The following EAPP variants were observed in gnomAD, a reference collection of about 807,000 sequenced individuals.
The protein encoded by EAPP is E2F associated phosphoprotein.
A neutral mutation model predicts 34.3 loss-of-function variants in EAPP; 38 were observed. The ratio of observed to expected loss-of-function variants is 1.11; its 90% CI spans 0.85 to 1.45. The LOEUF (loss-of-function observed/expected upper bound fraction) is 1.45, where lower values mean the gene tolerates loss of function less well. Among genes scored for constraint, EAPP ranks in the 40% most tolerant of loss-of-function variants. The pLI, the probability that EAPP is intolerant of heterozygous loss-of-function variation, is 0.00. For missense variants in EAPP, 338 were observed against 343.7 expected, an observed-to-expected ratio of 0.98 and a Z score of 0.13; for synonymous variants, 113 against 117.6, an observed-to-expected ratio of 0.96 and a Z score of 0.25.
chr14:34,535,950 G>C (rs1346241440), intron 2 of EAPP, 144 bp downstream of exon 2: 6 of 590,002 alleles, frequency 1.0e-5, no homozygotes. Flanking sequence ...CTCTAGCTCA[G>C]ACTGCCAAAT....
rs905760665 is a variant in EAPP at position 34,517,341 on chromosome 14, C to G, written c.582-755G>C. ...TCAGCTCACCACAACCTCTGCCCCC[C>G]GGGTTCAAGTGATTCTCCTGCCTCA... On this transcript the variant is annotated intron_variant, in intron 5 of 5. Coordinates refer to ENST00000250454, the MANE Select transcript of EAPP (RefSeq NM_018453.4). 1.0e-4 allele frequency among the ~76,000 whole-genome samples: 15 copies of G among 147,432 alleles called. 1 individual carries two copies. Among genetic ancestry groups the G allele is most frequent in the African/African-American group, 2.0e-4 (8 of 39,766 alleles).
chr14:34,521,346 C>T (rs1210496654), intron 5 of EAPP, among the ~76,000 whole-genome samples: 4 of 152,122 alleles, frequency 2.6e-5, no homozygotes, highest in Non-Finnish European at 4.4e-5. Flanking sequence ...GCTGGGATTA[C>T]AAGTGTCAGC....
At chr14:34,529,929 C>T (rs996361349) in intron 3 of EAPP, among the ~76,000 whole-genome samples, 1 of 152,112 alleles carries the variant, frequency 6.6e-6, no homozygotes, top group Non-Finnish European at 1.5e-5. Flanking sequence ...GGCAGAAAAA[C>T]TGCTTGAACC....
intron 1 of EAPP, 30 bp downstream of exon 1, chr14:34,539,522 ATCC>A: frequency 6.2e-7 from 1 of 1,601,578 alleles, no homozygotes; most frequent in Non-Finnish European, 8.5e-7. Context: ...CTCGACCCAA[ATCC>A]TCGGGGGCCA....
chr14:34,533,034 T>C (rs1880347733), intron 3 of EAPP, among the ~76,000 whole-genome samples: 1 of 150,228 alleles, frequency 6.7e-6, no homozygotes, highest in South Asian at 2.1e-4. Flanking sequence ...GCATCCACTT[T>C]ATTTATTTAT....
In EAPP at chr14:34,536,076, A is replaced by G; in HGVS notation, c.256+18T>C. 1 of 1,595,852 alleles carries G rather than the reference A, an allele frequency of 6.3e-7. No homozygotes were observed. The highest frequency in any genetic ancestry group is 1.1e-5 in the South Asian group (1 of 87,684). On this transcript the variant is annotated intron_variant, in intron 2 of 5. Coordinates refer to ENST00000250454, the MANE Select transcript of EAPP (RefSeq NM_018453.4). ...CAGAGCTTACAAAAATATATATAAA[A>G]TTGAACCAAAAGTTTACCAGTTCCC...
intron 1 of EAPP, among the ~76,000 whole-genome samples, chr14:34,538,668 C>A (rs1226699636): frequency 6.6e-6 from 1 of 151,954 alleles, no homozygotes; most frequent in Non-Finnish European, 1.5e-5. Flanking sequence ...TCTCTCGCCT[C>A]AGACTCCCAA....
chr14:34,520,411 T>C (rs1045376939), intron 5 of EAPP, among the ~76,000 whole-genome samples: 12 of 151,694 alleles, frequency 7.9e-5, no homozygotes, highest in African/African-American at 2.4e-4. Flanking sequence ...AGTTTCACCA[T>C]GTTGGCCAGG....
At chr14:34,533,573 A>C (rs770506905) in intron 2 of EAPP, 34 bp from the exon 3 acceptor site, 5 of 1,414,924 alleles carry the variant, frequency 3.5e-6, no homozygotes, top group Non-Finnish European at 4.8e-6. Context: ...TACAGACTAA[A>C]TCATACATAA....
At chr14:34,526,814 T>G (rs547643373) in intron 4 of EAPP, among the ~76,000 whole-genome samples, 14 of 150,580 alleles carry the variant, frequency 9.3e-5, no homozygotes, top group African/African-American at 3.2e-4. Flanking sequence ...CAGGGCTACA[T>G]TGAGGTATGA....
Position 34,532,449 on chromosome 14 carries a change from C to T in EAPP, c.352+995G>A, listed in dbSNP as rs148803442. Among the ~76,000 whole-genome samples the T allele has an allele frequency of 3.9e-3, 581 of 147,288 alleles. 2 individuals carry two copies. Among genetic ancestry groups the T allele is most frequent in the Non-Finnish European group, 6.2e-3 (417 of 67,076 alleles). On this transcript the variant is annotated intron_variant, in intron 3 of 5. Transcript: ENST00000250454. ...CGCACTCCAGCTTGGGCAACAAGAG[C>T]GAAACTCCATCTCAAAAAAAAAAAA...
intron 2 of EAPP, among the ~76,000 whole-genome samples, chr14:34,534,780 T>A (rs1351666904): frequency 2.0e-5 from 3 of 151,768 alleles, no homozygotes; most frequent in Non-Finnish European, 4.4e-5. Context: ...TGCAGGAAGA[T>A]CACTTGAGCC....
intron 5 of EAPP, among the ~76,000 whole-genome samples, chr14:34,523,192 G>C (rs1473577284): frequency 6.6e-6 from 1 of 151,878 alleles, no homozygotes; most frequent in African/African-American, 2.4e-5. Flanking sequence ...CAGGGGGAAG[G>C]AGAGCCAGTT....
intron 5 of EAPP, among the ~76,000 whole-genome samples, chr14:34,521,584 T>C (rs771332037): frequency 5.9e-5 from 9 of 151,992 alleles, no homozygotes; most frequent in Non-Finnish European, 1.0e-4. Context: ...GTTGAGAGCC[T>C]CTAATGAATT....
At chr14:34,519,349 A>G (rs1167245001) in intron 5 of EAPP, among the ~76,000 whole-genome samples, 2 of 152,150 alleles carry the variant, frequency 1.3e-5, no homozygotes. Flanking sequence ...AGCCTGACCG[A>G]TATGGTGAAA....
At chr14:34,526,863 C>A (rs1880113373) in intron 4 of EAPP, among the ~76,000 whole-genome samples, 1 of 120,086 alleles carries the variant, frequency 8.3e-6, no homozygotes, top group Non-Finnish European at 1.8e-5. Flanking sequence ...CACAGCAAGA[C>A]CCTGTCTTTA....
intron 5 of EAPP, among the ~76,000 whole-genome samples, chr14:34,519,527 C>A (rs1035197348): frequency 6.6e-6 from 1 of 150,782 alleles, no homozygotes; most frequent in South Asian, 2.1e-4. Context: ...AAGCAAGACT[C>A]CCTCTCAAAA....
chr14:34,520,584 C>T (rs547564136), intron 5 of EAPP, among the ~76,000 whole-genome samples: 66 of 152,266 alleles, frequency 4.3e-4, no homozygotes, highest in African/African-American at 1.3e-3. Flanking sequence ...TCACTGCAAC[C>T]TGTGCCTCCC....
At chr14:34,524,574 C>T in intron 5 of EAPP, 123 bp downstream of exon 5, 1 of 702,810 alleles carries the variant, frequency 1.4e-6, no homozygotes, top group Non-Finnish European at 2.4e-6. Context: ...CGAGATTGTG[C>T]CACTGCACTC....
Sources: allele counts gnomAD v4.1 joint callset (sites outside exome capture counted in the v4.1 genomes callset), GRCh38; gene constraint gnomAD v4.1.1; transcripts MANE v1.5; gene names NCBI Gene and HGNC (gene_info 2026-07-23, HGNC 2026-07-21).